Variants in PDE9A observed in about 807,000 individuals in gnomAD.
PDE9A encodes phosphodiesterase 9A.
A neutral mutation model predicts 87.4 loss-of-function variants in PDE9A; 60 were observed. The observed-to-expected ratio is 0.69, with a 90% confidence interval of 0.56 to 0.85. The LOEUF (loss-of-function observed/expected upper bound fraction) is 0.85. Among genes scored for constraint, PDE9A ranks in the 40% least tolerant of loss-of-function variants. The probability of loss-of-function intolerance (pLI) is 0.00; values close to 1 mark genes in which losing one functional copy is unlikely to be tolerated. For synonymous variants in PDE9A, 272 were observed against 279.4 expected (o/e 0.97, Z 0.27); for missense variants, 665 against 779.0 (o/e 0.85, Z 1.74).
At chr21:42,662,480 C>G (rs558747015) in intron 1 of PDE9A, among the ~76,000 whole-genome samples, 7 of 151,516 alleles carry the variant, frequency 4.6e-5, no homozygotes, top group African/African-American at 1.7e-4. Context: ...CCACCACACA[C>G]ACACACCATG....
At chr21:42,751,261 T>TGGCCCTGC (rs1307439535) in intron 9 of PDE9A, 64 bp downstream of exon 9, 1 of 1,193,036 alleles carries the variant, frequency 8.4e-7, no homozygotes, top group African/African-American at 1.5e-5. Context: ...CCCAGCCCTG[T>TGGCCCTGC]GGCCCTGCGG....
chr21:42,755,331 T>C (rs2054915965), intron 10 of PDE9A, among the ~76,000 whole-genome samples: 2 of 152,212 alleles, frequency 1.3e-5, no homozygotes, highest in African/African-American at 2.4e-5. Flanking sequence ...TCTTTTCATG[T>C]GCATGGTCTC....
chr21:42,752,680 G>T (rs912631912), intron 9 of PDE9A, among the ~76,000 whole-genome samples: 4 of 152,216 alleles, frequency 2.6e-5, no homozygotes, highest in African/African-American at 7.2e-5. Flanking sequence ...CAAAATAAAA[G>T]GTGTCAGCCC....
In PDE9A at chr21:42,775,343, C is replaced by A. The variant is rs761691559; in HGVS notation, c.*50C>A. The A allele has an allele frequency of 1.6e-5, 25 of 1,589,632 alleles. No homozygotes were observed. The highest frequency in any genetic ancestry group is 2.0e-5 in the Non-Finnish European group (23 of 1,165,114). On this transcript the variant is annotated 3_prime_UTR_variant, in exon 20 of 20. Transcript: ENST00000291539. ...TTCTGGACGGGCTGGCCGAGCTGCGCGGGATCCTTGTGCAGGGAAGAGCTG... is the reference window on the plus strand; with the variant it reads ...TTCTGGACGGGCTGGCCGAGCTGCGAGGGATCCTTGTGCAGGGAAGAGCTG...
intron 1 of PDE9A, among the ~76,000 whole-genome samples, chr21:42,662,675 C>T (rs964089552): frequency 6.9e-6 from 1 of 145,680 alleles, no homozygotes; most frequent in Non-Finnish European, 1.5e-5. Context: ...ACCACGCACA[C>T]GCACTGCACA....
chr21:42,769,069 A>G lies in PDE9A; in HGVS notation c.1504A>G (p.Met502Val). The change falls in exon 17 of 20, where the codon ATG becomes GTG. Residue 502 changes from methionine (M) to valine (V), a missense_variant. Transcript: ENST00000291539. ...AGAAGGCCTTCCTGTGGCACCGTTC[A>G]TGGACCGAGACAAAGTGACCAAGGC... is the stretch of plus-strand genomic sequence containing the variant. ...KSEGLPVAPFMDRDKVTKATA... is the reference protein window; with the variant it reads ...KSEGLPVAPFVDRDKVTKATA... The G allele has an allele frequency of 6.2e-7, 1 of 1,613,806 alleles. No individual in the cohort carries two copies. The highest frequency in any genetic ancestry group is 1.1e-5 in the South Asian group (1 of 91,048).
chr21:42,772,560 A>G (rs1199209057), intron 19 of PDE9A, 40 bp downstream of exon 19: 2 of 1,332,832 alleles, frequency 1.5e-6, no homozygotes, highest in Non-Finnish European at 2.1e-6. Context: ...CAGCGCATAC[A>G]ATGATTCTGA....
chr21:42,679,331 T>C (rs1456207383), intron 1 of PDE9A, among the ~76,000 whole-genome samples: 5 of 152,090 alleles, frequency 3.3e-5, no homozygotes, highest in Admixed American at 2.6e-4. Context: ...CCTCGCTCCG[T>C]CTCCCCTCCC....
At chr21:42,703,431 A>C (rs2048546084) in intron 4 of PDE9A, among the ~76,000 whole-genome samples, 1 of 152,186 alleles carries the variant, frequency 6.6e-6, no homozygotes, top group African/African-American at 2.4e-5. Flanking sequence ...AGCAGAGGGG[A>C]AGCCATAAAG....
chr21:42,687,770 T>C, intron 2 of PDE9A, 147 bp from the exon 3 acceptor site: 1 of 647,336 alleles, frequency 1.5e-6, no homozygotes. Flanking sequence ...GGGGACGGCC[T>C]CCCACCCTTC....
chr21:42,664,706 A>C lies in PDE9A; in HGVS notation c.69+10823A>C, dbSNP rs1005800312. ...GGGGGTTCCATTCCCATCCGAATGG[A>C]AGCCCCCAAGGCTTCTGTAGCTCCC... On this transcript the variant is annotated intron_variant, in intron 1 of 19. Transcript: ENST00000291539. Among the ~76,000 whole-genome samples the C allele has an allele frequency of 2.6e-5, 4 of 152,298 alleles. No individual in the cohort carries two copies. The East Asian group carries it at 7.7e-4, about 29-fold the overall frequency.
intron 3 of PDE9A, among the ~76,000 whole-genome samples, chr21:42,689,143 GC>G (rs1423240008): frequency 6.6e-6 from 1 of 151,350 alleles, no homozygotes; most frequent in African/African-American, 2.4e-5. Context: ...GGCCAGCGCC[GC>G]CCCCCTCAGT....
At chr21:42,748,474 G>A (rs746353123) in intron 8 of PDE9A, among the ~76,000 whole-genome samples, 6 of 152,306 alleles carry the variant, frequency 3.9e-5, no homozygotes, top group South Asian at 4.1e-4. Flanking sequence ...GGGAAGAGAC[G>A]GCAGCATGCC....
rs1412955233 is a variant in PDE9A, at chr21:42,692,341, A to G, written c.218+4347A>G. 1.3e-5 allele frequency among the ~76,000 whole-genome samples: 2 copies of G among 151,870 alleles called. No homozygotes were observed. The highest frequency in any genetic ancestry group is 2.9e-5 in the Non-Finnish European group (2 of 67,980). On this transcript the variant is annotated intron_variant, in intron 3 of 19. Coordinates refer to ENST00000291539, the MANE Select transcript of PDE9A (RefSeq NM_002606.3). This position sits in a 1 kb window ranked among gnomAD's most constrained non-coding sequence, Gnocchi z 4.3. ...TGCTACTTGTATCTGATGGGTGGAG[A>G]CCCGGGATGCCAATGGCATCCTACA... is the stretch of plus-strand genomic sequence containing the variant.
intron 1 of PDE9A, among the ~76,000 whole-genome samples, chr21:42,666,186 AAAGGGCGTGGCTGCAGCCGG>A (rs1043790785): frequency 7.2e-5 from 11 of 152,216 alleles, no homozygotes; most frequent in African/African-American, 2.2e-4. Flanking sequence ...GGTCATCAAG[AAAGGGCGTGGCTGCAGCCGG>A]AAGGGCGTGG....
rs977300152 is a variant in PDE9A at position 42,692,159 on chromosome 21, G to A, written c.218+4165G>A. Among the ~76,000 whole-genome samples, 4 of 152,210 alleles carry A rather than the reference G, an allele frequency of 2.6e-5. No individual in the cohort carries two copies. The highest frequency in any genetic ancestry group is 5.9e-5 in the Non-Finnish European group (4 of 68,034). ...TGGATTTCCAGCCCCTAAACGAGGC[G>A]GGGCATGCTGGGTGCAGGATGGAAT... is the stretch of plus-strand genomic sequence containing the variant. On this transcript the variant is annotated intron_variant, in intron 3 of 19. Transcript: ENST00000291539. This position sits in a 1 kb window ranked among gnomAD's most constrained non-coding sequence, Gnocchi z 4.3.
At chr21:42,713,905 A>AT (rs71332370) in intron 4 of PDE9A, among the ~76,000 whole-genome samples, 2,396 of 123,660 alleles carry the variant, frequency 0.019, 48 homozygotes, top group Middle Eastern at 0.059. Context: ...TTTAATTCCA[A>AT]TTTTTTTTTT....
chr21:42,656,650 C>T (rs2057096296), intron 1 of PDE9A, among the ~76,000 whole-genome samples: 1 of 152,166 alleles, frequency 6.6e-6, no homozygotes, highest in Non-Finnish European at 1.5e-5. Flanking sequence ...GTCACATCAC[C>T]AGAGTGACAC....
Position 42,659,631 on chromosome 21 carries a change from C to T in PDE9A, c.69+5748C>T, listed in dbSNP as rs975695119. Among the ~76,000 whole-genome samples the T allele has an allele frequency of 5.3e-5, 8 of 152,234 alleles. No individual in the cohort carries two copies. Among genetic ancestry groups the T allele is most frequent in the Non-Finnish European group, 1.2e-4 (8 of 68,032 alleles). Reference sequence around the variant, plus strand: ...ATCCTGGACCCATCAGCCCGGAAGACTCTGGAAGCAGCAGTGGCAGCACCT... The same window carrying T: ...ATCCTGGACCCATCAGCCCGGAAGATTCTGGAAGCAGCAGTGGCAGCACCT... On this transcript the variant is annotated intron_variant, in intron 1 of 19. Coordinates refer to ENST00000291539, the MANE Select transcript of PDE9A (RefSeq NM_002606.3). This position sits in a 1 kb window ranked among gnomAD's most constrained non-coding sequence, Gnocchi z 4.1.
Sources: gnomAD v4.1 joint callset for allele counts (sites outside exome capture counted in the v4.1 genomes callset) on GRCh38, gnomAD v4.1.1 for gene constraint, Gnocchi (gnomAD v3.1) non-coding constraint, MANE v1.5 for transcripts, NCBI Gene and HGNC (gene_info 2026-07-23, HGNC 2026-07-21) for gene names.